Variants in CADM2 observed in about 807,000 individuals in gnomAD.
CADM2 encodes cell adhesion molecule 2, also known as immunoglobulin superfamily member 4D.
A neutral mutation model predicts 49.8 loss-of-function variants in CADM2; 12 were observed. That is an observed-to-expected ratio of 0.24 (90% CI 0.15 to 0.39). The LOEUF (loss-of-function observed/expected upper bound fraction) is 0.39. CADM2 is among the 10% of genes least tolerant of loss of function. The pLI is 1.00. For synonymous variants in CADM2, 214 were observed against 175.4 expected, an observed-to-expected ratio of 1.22 and a Z score of -1.74; for missense variants, 378 against 492.3, an observed-to-expected ratio of 0.77 and a Z score of 2.20.
chr3:86,025,788 A>C (rs1733842175), intron 8 of CADM2, among the ~76,000 whole-genome samples: 1 of 152,142 alleles, frequency 6.6e-6, no homozygotes, highest in African/African-American at 2.4e-5. Context: ...AATTTATTTT[A>C]TCTTAACTTT....
intron 1 of CADM2, among the ~76,000 whole-genome samples, chr3:85,183,804 T>C (rs917459298): frequency 5.3e-5 from 8 of 152,106 alleles, no homozygotes; most frequent in Non-Finnish European, 8.8e-5. Context: ...GAATAAGGAA[T>C]GGAGTATTTG....
chr3:85,571,412 T>TA (rs1434534485), intron 1 of CADM2, among the ~76,000 whole-genome samples: 1 of 151,794 alleles, frequency 6.6e-6, no homozygotes, highest in Non-Finnish European at 1.5e-5. Flanking sequence ...TCCAGATGTT[T>TA]TTTTTTTCTG....
At position 86,014,955 on chromosome 3, in the gene CADM2, T is replaced by C. The variant is rs544691360; in HGVS notation, c.971-50650T>C. The C allele has an allele frequency of 2.3e-5, 33 of 1,420,514 alleles. No individual in the cohort carries two copies. In the Admixed American group the frequency reaches 4.1e-4, roughly 18 times the overall value. 88.0% of individuals were successfully genotyped at this position (1,420,514 alleles called of 1,614,324 possible). The stretch of plus-strand genomic sequence containing the variant: ...AAATGGACGAAAGCGTCTTAAAGCA[T>C]ATTTAAGGAACACTTTGACAGACCA... On this transcript the variant is annotated intron_variant, in intron 8 of 9. Transcript: ENST00000383699.
At chr3:85,011,020 C>G (rs1310715433) in intron 1 of CADM2, among the ~76,000 whole-genome samples, 1 of 151,512 alleles carries the variant, frequency 6.6e-6, no homozygotes, top group South Asian at 2.1e-4. Context: ...CCTGCCACCA[C>G]GCCTGGCTAA....
intron 1 of CADM2, among the ~76,000 whole-genome samples, chr3:85,658,868 C>T (rs1027319936): frequency 2.0e-5 from 3 of 149,512 alleles, no homozygotes; most frequent in African/African-American, 7.3e-5. Flanking sequence ...CTGGGCAATG[C>T]AGTGAGACCC....
At chr3:85,666,431 A>G (rs967482024) in intron 1 of CADM2, among the ~76,000 whole-genome samples, 4 of 151,968 alleles carry the variant, frequency 2.6e-5, no homozygotes, top group South Asian at 2.1e-4. Context: ...AGAAAAAGTC[A>G]TATCTTTTCC....
chr3:85,653,277 A>T (rs2065109147), intron 1 of CADM2, among the ~76,000 whole-genome samples: 1 of 149,222 alleles, frequency 6.7e-6, no homozygotes, highest in Admixed American at 6.8e-5. Flanking sequence ...GGATTTAAAC[A>T]GAGAGTAGAG....
At chr3:85,171,912 G>A (rs542731067) in intron 1 of CADM2, among the ~76,000 whole-genome samples, 1 of 152,004 alleles carries the variant, frequency 6.6e-6, no homozygotes, top group Non-Finnish European at 1.5e-5. Flanking sequence ...TTCTAACATC[G>A]CATAGATTGA....
chr3:85,311,584 G>A (rs2044345478), intron 1 of CADM2, among the ~76,000 whole-genome samples: 1 of 151,844 alleles, frequency 6.6e-6, no homozygotes, highest in African/African-American at 2.4e-5. Flanking sequence ...CACCGTGTTA[G>A]CCAGGATAGT....
chr3:85,047,645 C>T (rs555437530), intron 1 of CADM2, among the ~76,000 whole-genome samples: 35 of 152,104 alleles, frequency 2.3e-4, no homozygotes, highest in Non-Finnish European at 8.8e-5. Context: ...TTATAACTAA[C>T]ATTTATTTTA....
At chr3:85,342,254 A>T (rs1450746793) in intron 1 of CADM2, among the ~76,000 whole-genome samples, 1 of 152,126 alleles carries the variant, frequency 6.6e-6, no homozygotes. Flanking sequence ...CAACAGACAT[A>T]TGAAAAAATG....
intron 1 of CADM2, among the ~76,000 whole-genome samples, chr3:84,993,710 A>C (rs934018352): frequency 1.1e-4 from 17 of 152,314 alleles, no homozygotes; most frequent in African/African-American, 4.1e-4. Context: ...ACATGTTCTA[A>C]AAGGAGTTAG....
intron 1 of CADM2, among the ~76,000 whole-genome samples, chr3:85,164,435 A>AT (rs1218051593): frequency 1.3e-5 from 2 of 152,040 alleles, no homozygotes; most frequent in Non-Finnish European, 2.9e-5. Context: ...ATTTAGGCCG[A>AT]TTTTTAACCC....
chr3:85,883,334 T>A lies in CADM2; in HGVS notation c.282T>A (p.His94Gln), dbSNP rs1304450820. Residue 94 changes from histidine (H) to glutamine (Q), a missense_variant, in exon 4 of 10, where the codon CAT becomes CAA. Coordinates refer to ENST00000383699, the MANE Select transcript of CADM2 (RefSeq NM_001167675.2). Reference protein sequence around the residue: ...NRIELVRASWHELSISVSDVS... With the variant: ...NRIELVRASWQELSISVSDVS... ...TCGAGCTGGTTCGCGCTTCCTGGCA[T>A]GAATTGAGTATTAGTGTCAGTGATG... 3.1e-6 allele frequency: 5 copies of A among 1,613,808 alleles called. No individual in the cohort carries two copies. The highest frequency in any genetic ancestry group is 4.2e-6 in the Non-Finnish European group (5 of 1,179,830).
chr3:85,802,015 T>C, intron 2 of CADM2, 32 bp from the exon 3 acceptor site: 1 of 1,561,692 alleles, frequency 6.4e-7, no homozygotes, highest in Non-Finnish European at 8.7e-7. Flanking sequence ...ATGACTTTCA[T>C]TTAATCAACA....
intron 2 of CADM2, among the ~76,000 whole-genome samples, chr3:85,790,995 G>T (rs1193579356): frequency 6.6e-6 from 1 of 152,154 alleles, no homozygotes; most frequent in Non-Finnish European, 1.5e-5. Flanking sequence ...TAGAATCAAA[G>T]AAAAATAAAA....
At chr3:85,853,541 G>C (rs1181583862) in intron 3 of CADM2, among the ~76,000 whole-genome samples, 1 of 151,686 alleles carries the variant, frequency 6.6e-6, no homozygotes, top group Non-Finnish European at 1.5e-5. Context: ...AATTAAAATG[G>C]CCATGACATG....
intron 1 of CADM2, among the ~76,000 whole-genome samples, chr3:85,221,441 C>T (rs72913081): frequency 6.6e-6 from 1 of 152,104 alleles, no homozygotes; most frequent in Non-Finnish European, 1.5e-5. Context: ...AGATTTCAAA[C>T]TCTCTTCACA....
chr3:85,702,837 A>T (rs893823446), intron 1 of CADM2, among the ~76,000 whole-genome samples: 1 of 152,164 alleles, frequency 6.6e-6, no homozygotes, highest in African/African-American at 2.4e-5. Flanking sequence ...TGGAGTAATT[A>T]GTCAAATGAT....
Sources: allele counts gnomAD v4.1 joint callset (sites outside exome capture counted in the v4.1 genomes callset), GRCh38; gene constraint gnomAD v4.1.1; transcripts MANE v1.5; gene names NCBI Gene and HGNC (gene_info 2026-07-23, HGNC 2026-07-21).